IWS1: variants seen among roughly 807,000 people sequenced by gnomAD.
IWS1 encodes interacts with SUPT6H, CTD assembly factor 1.
Under a neutral mutation model 86.7 loss-of-function variants are expected in IWS1, and 27 were observed. The observed-to-expected ratio is 0.31, with a 90% confidence interval of 0.23 to 0.43. The LOEUF (loss-of-function observed/expected upper bound fraction) is 0.43, where lower values mean the gene tolerates loss of function less well. IWS1 is among the 20% of genes least tolerant of loss of function. IWS1 has a pLI of 1.00. For synonymous variants in IWS1, 313 were observed against 335.1 expected, an observed-to-expected ratio of 0.93 and a Z score of 0.72; for missense variants, 827 against 1,000.8, an observed-to-expected ratio of 0.83 and a Z score of 2.34.
chr2:127,506,504 T>C (rs187390578), intron 2 of IWS1, among the ~76,000 whole-genome samples: 99 of 152,296 alleles, frequency 6.5e-4, no homozygotes, highest in Middle Eastern at 6.8e-3. Context: ...AACTATAAAA[T>C]TTAATTTTAT....
intron 5 of IWS1, among the ~76,000 whole-genome samples, chr2:127,501,546 T>C (rs1690811113): frequency 6.6e-6 from 1 of 152,202 alleles, no homozygotes; most frequent in African/African-American, 2.4e-5. Flanking sequence ...TTCCAATTTT[T>C]GCGAAAACTT....
At chr2:127,498,316 AATTC>A in intron 5 of IWS1, 79 bp from the exon 6 acceptor site, 3 of 1,388,954 alleles carry the variant, frequency 2.2e-6, no homozygotes, top group Non-Finnish European at 3.0e-6. Context: ...TTTTTAAAGT[AATTC>A]ATTCACAAAG....
Position 127,489,492 on chromosome 2 carries a change from T to C in IWS1, c.2160-257A>G. ...CTCCTGGATGCAACTGTATCCACTA[T>C]TATCAATACAAACTAAAACTATAAC... On this transcript the variant is annotated intron_variant, in intron 11 of 13. Coordinates refer to ENST00000295321, the MANE Select transcript of IWS1 (RefSeq NM_017969.3). The surrounding 1 kb of genome is among the most constrained non-coding windows in gnomAD (Gnocchi z 4.8). The C allele has an allele frequency of 1.9e-6, 1 of 520,466 alleles. No individual in the cohort carries two copies. The highest frequency in any genetic ancestry group is 3.4e-6 in the Non-Finnish European group (1 of 294,768). The allele number at this position is 520,466 out of a possible 1,614,324, so 32.2% of individuals were successfully genotyped here.
chr2:127,484,290 C>T (rs919493387), intron 13 of IWS1, among the ~76,000 whole-genome samples: 1 of 151,894 alleles, frequency 6.6e-6, no homozygotes, highest in Non-Finnish European at 1.5e-5. Flanking sequence ...CCAGCCTGGG[C>T]GACAGAGTGA....
chr2:127,526,221 C>G lies in IWS1; in HGVS notation c.-13G>C. 1.3e-6 allele frequency: 2 copies of G among 1,564,446 alleles called. No individual in the cohort carries two copies. Among genetic ancestry groups the G allele is most frequent in the South Asian group, 1.2e-5 (1 of 85,134 alleles). Reference sequence around the variant, plus strand: ...ATTCCGAGTCCATGGCAGGCGGACTCTCAGCGGGGAGTGTCCGCGCCCCGC... The same window carrying G: ...ATTCCGAGTCCATGGCAGGCGGACTGTCAGCGGGGAGTGTCCGCGCCCCGC... On this transcript the variant is annotated 5_prime_UTR_variant, in exon 1 of 14. Transcript: ENST00000295321.
chr2:127,511,143 A>G (rs1432012673), intron 2 of IWS1: 1 of 152,264 alleles, frequency 6.6e-6, no homozygotes, highest in East Asian at 1.9e-4. Context: ...TACTCGCCCC[A>G]TGAAGTCTCT....
intron 13 of IWS1, chr2:127,482,537 A>C (rs918447030): frequency 1.3e-5 from 2 of 152,190 alleles, no homozygotes; most frequent in African/African-American, 4.8e-5. Flanking sequence ...TGATCTTAGT[A>C]CTTGTACTTG....
Position 127,526,334 on chromosome 2 carries a change from C to G in IWS1, c.-126G>C. ...ACTGCCGCCCGACCGGAGAACTTAA[C>G]GGGTGCGGAGGGTAAGAAAGCGGTA... On this transcript the variant is annotated 5_prime_UTR_variant, in exon 1 of 14. Transcript: ENST00000295321. The G allele has an allele frequency of 1.3e-6, 2 of 1,538,984 alleles. No individual in the cohort carries two copies. The highest frequency in any genetic ancestry group is 1.7e-6 in the Non-Finnish European group (2 of 1,146,706).
chr2:127,504,010 T>C (rs1333864478), intron 3 of IWS1, among the ~76,000 whole-genome samples: 1 of 152,220 alleles, frequency 6.6e-6, no homozygotes, highest in Non-Finnish European at 1.5e-5. Flanking sequence ...GCTGGTCAGT[T>C]TGAAATTTCT....
rs777179234 is a variant in IWS1, at chr2:127,486,566, A to G, written c.2315T>C (p.Met772Thr). 3.7e-6 allele frequency: 6 copies of G among 1,613,524 alleles called. No individual in the cohort carries two copies. Among genetic ancestry groups the G allele is most frequent in the African/African-American group, 1.3e-5 (1 of 75,018 alleles). The change falls in exon 13 of 14, where the codon ATG (methionine) becomes ACG (threonine). Residue 772 changes from methionine to threonine, a missense_variant. Physicochemically the swap from Met to Thr is moderately conservative, Grantham distance 81. This residue lies in a region of IWS1 where 279 missense variants were observed against 440.6 expected (regional missense o/e 0.63). Transcript: ENST00000295321. ...YVVRPKWNVE[M>T]ESSRFQATSK... ...CCGCTTGCTTACCCTGGATGACTCC[A>G]TTTCCACATTCCATTTGGGCCTGAC... is the stretch of plus-strand genomic sequence containing the variant.
chr2:127,500,509 A>G (rs1299041041), intron 5 of IWS1, among the ~76,000 whole-genome samples: 1 of 151,682 alleles, frequency 6.6e-6, no homozygotes, highest in Non-Finnish European at 1.5e-5. Context: ...CTTAATGTCT[A>G]CCTCCCTCTT....
chr2:127,508,799 A>G (rs1372855013), intron 2 of IWS1, among the ~76,000 whole-genome samples: 3 of 152,202 alleles, frequency 2.0e-5, no homozygotes, highest in Non-Finnish European at 4.4e-5. Flanking sequence ...TTAACTGGCC[A>G]AGGCAATATT....
At chr2:127,512,029 GC>G (rs1384928397) in intron 2 of IWS1, among the ~76,000 whole-genome samples, 1 of 152,202 alleles carries the variant, frequency 6.6e-6, no homozygotes, top group Non-Finnish European at 1.5e-5. Flanking sequence ...AGATGGCTGG[GC>G]CCACTGTGCT....
In IWS1 at chr2:127,480,975, T is replaced by C. The variant is rs1181588354; in HGVS notation, c.*69A>G. The stretch of plus-strand genomic sequence containing the variant: ...CAGACACACTAAAAATGTTTTAAAA[T>C]ATCTTCTTTCTCCAAAGAGTCCATT... On this transcript the variant is annotated 3_prime_UTR_variant, in exon 14 of 14. Transcript: ENST00000295321. The C allele has an allele frequency of 4.0e-6, 6 of 1,517,152 alleles. No homozygotes were observed. Among genetic ancestry groups the C allele is most frequent in the Admixed American group, 2.2e-5 (1 of 45,662 alleles). The allele number at this position is 1,517,152 out of a possible 1,614,324, so 94.0% of individuals were successfully genotyped here.
upstream of IWS1, chr2:127,526,644 G>T: frequency 1.5e-6 from 2 of 1,326,466 alleles, no homozygotes; most frequent in Middle Eastern, 2.1e-4. Flanking sequence ...ACCTTCCTCG[G>T]GTGGATCCTG....
intron 2 of IWS1, among the ~76,000 whole-genome samples, chr2:127,518,739 G>A (rs1573565821): frequency 6.6e-6 from 1 of 151,900 alleles, no homozygotes. Context: ...CTAATTTTTT[G>A]TATTTTTAGT....
chr2:127,518,626 C>T (rs538193908), intron 2 of IWS1, among the ~76,000 whole-genome samples: 2 of 140,396 alleles, frequency 1.4e-5, no homozygotes, highest in East Asian at 2.1e-4. Flanking sequence ...AGTACAATGG[C>T]GTGATCTCAG....
intron 1 of IWS1, among the ~76,000 whole-genome samples, chr2:127,524,615 T>G (rs1366632552): frequency 6.6e-6 from 1 of 151,980 alleles, no homozygotes. Context: ...CTCAGCTCAC[T>G]GCAACCTCCA....
intron 1 of IWS1, among the ~76,000 whole-genome samples, chr2:127,524,866 A>G (rs1246317906): frequency 8.2e-6 from 1 of 122,634 alleles, no homozygotes; most frequent in Non-Finnish European, 1.7e-5. Flanking sequence ...AAGTATCAGG[A>G]AAGTGTTTTT....
Sources: gnomAD v4.1 joint callset for allele counts (sites outside exome capture counted in the v4.1 genomes callset) on GRCh38, gnomAD v4.1.1 for gene constraint, gnomAD v4.1.1 regional missense constraint, Gnocchi (gnomAD v3.1) non-coding constraint, MANE v1.5 for transcripts, NCBI Gene and HGNC (gene_info 2026-07-23, HGNC 2026-07-21) for gene names.